Variants in FRMPD3 observed in about 807,000 individuals in gnomAD.
The protein encoded by FRMPD3 is FERM and PDZ domain containing 3.
A neutral mutation model predicts 97.9 loss-of-function variants in FRMPD3; 42 were observed. The ratio of observed to expected loss-of-function variants is 0.43; its 90% CI spans 0.34 to 0.55. The LOEUF is 0.55. FRMPD3 is among the 20% of genes least tolerant of loss of function. FRMPD3 has a pLI of 0.03. For missense variants in FRMPD3, 1,303 were observed against 1,457.7 expected, an observed-to-expected ratio of 0.89 and a Z score of 1.73; for synonymous variants, 577 against 581.1, an observed-to-expected ratio of 0.99 and a Z score of 0.10.
intron 1 of FRMPD3, among the ~76,000 whole-genome samples, chrX:107,499,347 G>C (rs1921849476): frequency 8.9e-6 from 1 of 112,147 alleles, no homozygotes; most frequent in African/African-American, 3.2e-5. Flanking sequence ...AGCCTGGTAT[G>C]GTCCCCATGA....
chrX:107,596,534 C>T (rs1924175377), intron 13 of FRMPD3, among the ~76,000 whole-genome samples: 1 of 112,140 alleles, frequency 8.9e-6, no homozygotes. Flanking sequence ...CTCAGATGCA[C>T]ACACCTACCA....
rs188122545 is a variant in FRMPD3, at chrX:107,601,540, T to A, written c.3501T>A (p.Pro1167=). ...QSRGQSPSCQ[P]RGQSPLRSQA... is the part of the protein sequence containing the mutation. Reference sequence around the variant, plus strand: ...GAGGTCAGAGCCCCAGCTGCCAACCTCGAGGCCAGAGCCCACTGAGGTCTC... The same window carrying A: ...GAGGTCAGAGCCCCAGCTGCCAACCACGAGGCCAGAGCCCACTGAGGTCTC... The change falls in exon 15 of 15, where the codon CCT becomes CCA. Residue 1167 remains proline (P), a synonymous_variant. Transcript: ENST00000683843. The A allele has an allele frequency of 7.1e-4, 837 of 1,180,769 alleles. 6 individuals are homozygous for A. In the African/African-American group the frequency reaches 0.01, roughly 14 times the overall value.
rs878887212 is a variant in FRMPD3 at position 107,533,544 on chromosome X, T to C, written c.291T>C (p.Thr97=). 1.2e-5 allele frequency: 15 copies of C among 1,204,236 alleles called. No homozygotes were observed. In the South Asian group the frequency reaches 2.3e-4, roughly 19 times the overall value. ...TCATCGTTCTTACAGTTCTGCACACTCATCAGGTGAGTGAGCCTCTTTGCC... is the reference window on the plus strand; with the variant it reads ...TCATCGTTCTTACAGTTCTGCACACCCATCAGGTGAGTGAGCCTCTTTGCC... ...KEFIVLTVLH[T]HQSPKSAFIS... Residue 97 remains threonine, a synonymous_variant, in exon 4 of 15, where the codon ACT becomes ACC. Coordinates refer to ENST00000683843, the MANE Select transcript of FRMPD3 (RefSeq NM_001388459.1).
intron 1 of FRMPD3, among the ~76,000 whole-genome samples, chrX:107,509,774 G>A (rs1420900450): frequency 1.8e-5 from 2 of 110,533 alleles, no homozygotes; most frequent in African/African-American, 6.6e-5. Flanking sequence ...TGCCCTCTGT[G>A]GTACCAGGTA....
intron 1 of FRMPD3, among the ~76,000 whole-genome samples, chrX:107,467,644 G>GT (rs1931596913): frequency 9.0e-6 from 1 of 111,078 alleles, no homozygotes; most frequent in African/African-American, 3.3e-5. Context: ...TAGGAAATGG[G>GT]TTTTTCCCCC....
At chrX:107,499,095 TA>T (rs1188883067) in intron 1 of FRMPD3, among the ~76,000 whole-genome samples, 50 of 99,538 alleles carry the variant, frequency 5.0e-4, no homozygotes, top group Admixed American at 5.4e-4. Flanking sequence ...TATGTCCCAC[TA>T]AAAAAAAAAA....
At chrX:107,480,895 G>GAAAGAAAGAAA (rs1921337447) in intron 1 of FRMPD3, among the ~76,000 whole-genome samples, 9 of 60,601 alleles carry the variant, frequency 1.5e-4, no homozygotes, top group East Asian at 9.8e-4. Flanking sequence ...AAGGAAGGAA[G>GAAAGAAAGAAA]GAAAGAAAGA....
At chrX:107,460,928 C>G (rs187527938) in intron 1 of FRMPD3, among the ~76,000 whole-genome samples, 72 of 111,416 alleles carry the variant, frequency 6.5e-4, no homozygotes, top group African/African-American at 2.1e-3. Flanking sequence ...GAGCTGTAAT[C>G]TTTCTAATAT....
In FRMPD3 at chrX:107,507,383, G is replaced by A. The variant is rs369861933; in HGVS notation, c.-7-19199G>A. Among the ~76,000 whole-genome samples the A allele has an allele frequency of 9.3e-4, 103 of 111,103 alleles. No individual in the cohort carries two copies. The South Asian group carries it at 0.04, about 43-fold the overall frequency. On this transcript the variant is annotated intron_variant, in intron 1 of 14. Transcript: ENST00000683843. ...TTTCCGCTGCGGGGTGCGGGGGATC[G>A]GGGAGATAAGGGGCGAGGGGAATCA... is the stretch of plus-strand genomic sequence containing the variant.
intron 1 of FRMPD3, among the ~76,000 whole-genome samples, chrX:107,515,331 G>A (rs1922283705): frequency 9.0e-6 from 1 of 111,604 alleles, no homozygotes; most frequent in South Asian, 3.8e-4. Flanking sequence ...GGACAGTCTG[G>A]AGGTAGTCCT....
intron 1 of FRMPD3, among the ~76,000 whole-genome samples, chrX:107,465,628 T>A (rs1931546451): frequency 8.9e-6 from 1 of 111,771 alleles, no homozygotes; most frequent in Non-Finnish European, 1.9e-5. Flanking sequence ...GACAACCACC[T>A]ATAATGTGTG....
At chrX:107,582,510 G>C (rs1380946511) in intron 13 of FRMPD3, among the ~76,000 whole-genome samples, 2 of 112,501 alleles carry the variant, frequency 1.8e-5, no homozygotes, top group East Asian at 5.5e-4. Flanking sequence ...TAATATGTCT[G>C]TCATAGTGTG....
At position 107,584,178 on chromosome X, in the gene FRMPD3, T is replaced by TTTG. The variant is rs757930061; in HGVS notation, c.1441+7738_1441+7740dup. 9.7e-3 allele frequency among the ~76,000 whole-genome samples: 1,078 copies of TTTG among 111,501 alleles called. 4 individuals are homozygous for TTTG. Among genetic ancestry groups the TTTG allele is most frequent in the Middle Eastern group, 0.023 (5 of 216 alleles). ...CACCACGCCTGGCCCTGTTTTGTTT[T>TTTG]TTGTTGTTGTTGTTGTTGTTGAGCA... is the stretch of plus-strand genomic sequence containing the variant. On this transcript the variant is annotated intron_variant, in intron 13 of 14. Transcript: ENST00000683843.
chrX:107,512,041 TCACA>T (rs930146590), intron 1 of FRMPD3, among the ~76,000 whole-genome samples: 1 of 108,370 alleles, frequency 9.2e-6, no homozygotes, highest in Non-Finnish European at 1.9e-5. Flanking sequence ...ATCTCCTCTT[TCACA>T]CACACACACA....
chrX:107,525,481 G>A, intron 1 of FRMPD3: 2 of 504,586 alleles, frequency 4.0e-6, no homozygotes, highest in Non-Finnish European at 7.1e-6. Flanking sequence ...TGAAGCTTTT[G>A]TGGAATTCCT....
At chrX:107,529,469 C>G (rs1569416497) in intron 2 of FRMPD3, among the ~76,000 whole-genome samples, 1 of 110,804 alleles carries the variant, frequency 9.0e-6, no homozygotes, top group Non-Finnish European at 1.9e-5. Flanking sequence ...CCTGTCATCC[C>G]AGCTACTCAG....
rs752654830 is a variant in FRMPD3 at position 107,597,782 on chromosome X, C to T, written c.1903C>T (p.Arg635Cys). ...PRKGGKPGSS[R>C]DNIVDLMSLP... Reference sequence around the variant, plus strand: ...CAAAGGTGGGAAGCCTGGCTCCTCTCGTGACAATATAGTAGATTTGATGTC... The same window carrying T: ...CAAAGGTGGGAAGCCTGGCTCCTCTTGTGACAATATAGTAGATTTGATGTC... Residue 635 changes from arginine to cysteine, a missense_variant, in exon 14 of 15, where the codon CGT (arginine) becomes TGT (cysteine). Arg to Cys is a radical substitution (Grantham distance 180). Coordinates refer to ENST00000683843, the MANE Select transcript of FRMPD3 (RefSeq NM_001388459.1). 5.9e-6 allele frequency: 7 copies of T among 1,181,015 alleles called. No homozygotes were observed. The highest frequency in any genetic ancestry group is 2.5e-5 in the Admixed American group (1 of 40,200).
intron 11 of FRMPD3, among the ~76,000 whole-genome samples, chrX:107,564,312 C>T (rs1922507976): frequency 8.9e-6 from 1 of 112,786 alleles, no homozygotes; most frequent in Non-Finnish European, 1.9e-5. Flanking sequence ...TGCTGGAGTG[C>T]CCATTAAAAG....
intron 1 of FRMPD3, among the ~76,000 whole-genome samples, chrX:107,468,814 A>G (rs763607168): frequency 5.7e-4 from 64 of 112,900 alleles, no homozygotes; most frequent in African/African-American, 2.0e-3. Flanking sequence ...GGCAAAACTG[A>G]GAGATACACC....
Sources: gnomAD v4.1 joint callset for allele counts (sites outside exome capture counted in the v4.1 genomes callset) on GRCh38, gnomAD v4.1.1 for gene constraint, MANE v1.5 for transcripts, NCBI Gene and HGNC (gene_info 2026-07-23, HGNC 2026-07-21) for gene names.